The following SVIL variants were observed in gnomAD, a reference collection of about 807,000 sequenced individuals.
The protein encoded by SVIL is archvillin.
In SVIL, 101 loss-of-function variants were observed where a neutral mutation model predicts 240.4. The ratio of observed to expected loss-of-function variants is 0.42; its 90% CI spans 0.36 to 0.50. SVIL has a LOEUF of 0.50. Ranked by LOEUF, SVIL falls within the 20% of genes least tolerant of loss-of-function variation. SVIL has a pLI of 0.01. For missense variants in SVIL, 2,512 were observed against 2,818.7 expected (o/e 0.89, Z 2.46); for synonymous variants, 999 against 1,100.0 (o/e 0.91, Z 1.82).
Position 29,551,091 on chromosome 10 carries a change from T to C in SVIL, c.333A>G (p.Glu111=). The C allele has an allele frequency of 6.2e-7, 1 of 1,614,208 alleles. No individual in the cohort carries two copies. The highest frequency in any genetic ancestry group is 8.5e-7 in the Non-Finnish European group (1 of 1,180,040). The part of the protein sequence containing the change: ...KAERIARYKA[E]RRRQLAEKYG... Reference sequence around the variant, plus strand: ...ACTTCTCTGCCAGCTGTCGCCTTCTTTCTGCTTTGTACCTTGCAATTCTTT... The same window carrying C: ...ACTTCTCTGCCAGCTGTCGCCTTCTCTCTGCTTTGTACCTTGCAATTCTTT... The change falls in exon 6 of 38, where the codon GAA becomes GAG. Residue 111 remains glutamate, a synonymous_variant. Coordinates refer to ENST00000355867, the MANE Select transcript of SVIL (RefSeq NM_021738.3).
rs1950696563 is a variant in SVIL, at chr10:29,523,509, C to T, written c.3105G>A (p.Leu1035=). 6.2e-7 allele frequency: 1 copy of T among 1,613,946 alleles called. No homozygotes were observed. The highest frequency in any genetic ancestry group is 1.6e-4 in the Middle Eastern group (1 of 6,062). The change falls in exon 15 of 38, where the codon CTG becomes CTA. Residue 1035 remains leucine, a synonymous_variant. Transcript: ENST00000355867. ...AQGNLDLRDR[L]PFEEKVEVEN... is the part of the protein sequence containing the mutation. ...CCACCTCCACCTTCTCTTCAAAGGG[C>T]AGCCTGTCCCTCAAGTCCAAGTTTC...
chr10:29,700,563 C>T (rs1013937905), intron 1 of SVIL, among the ~76,000 whole-genome samples: 13 of 151,252 alleles, frequency 8.6e-5, no homozygotes, highest in African/African-American at 1.9e-4. Flanking sequence ...CTCCGCCTCC[C>T]GGGTTCACAC....
In SVIL at chr10:29,481,857, G is replaced by A. The variant is rs10763721; in HGVS notation, c.4956-129C>T. The A allele has an allele frequency of 0.53, 418,347 of 790,674 alleles. 115,800 individuals are homozygous for A. The highest frequency in any genetic ancestry group is 0.78 in the African/African-American group (43,942 of 56,554). The allele number at this position is 790,674 out of a possible 1,614,324, so 49.0% of individuals were successfully genotyped here. A position where few individuals can be genotyped will look rare whatever the true frequency, so the allele number is the denominator to read the frequency against. ...CTCAAAGTACGTGAGTACATATAAA[G>A]TAAATGGTTTATTTTCCTGCATTTT... On this transcript the variant is annotated intron_variant, in intron 27 of 37. Coordinates refer to ENST00000355867, the MANE Select transcript of SVIL (RefSeq NM_021738.3).
chr10:29,712,361 T>C (rs924007126), intron 1 of SVIL, among the ~76,000 whole-genome samples: 1 of 152,172 alleles, frequency 6.6e-6, no homozygotes, highest in East Asian at 1.9e-4. Context: ...GCTCTATTAG[T>C]TCCCAGGAGA....
chr10:29,461,982 T>A (rs1564445367), intron 36 of SVIL, among the ~76,000 whole-genome samples: 2 of 152,232 alleles, frequency 1.3e-5, no homozygotes, highest in Admixed American at 1.3e-4. Flanking sequence ...GCAAACAGAA[T>A]GAAGAGTTCG....
chr10:29,731,091 G>A (rs903019269), intron 1 of SVIL, among the ~76,000 whole-genome samples: 2 of 152,128 alleles, frequency 1.3e-5, no homozygotes, highest in Non-Finnish European at 2.9e-5. Context: ...ACATCAACTT[G>A]CTACTCTGGC....
At chr10:29,675,078 AT>A (rs905411768) in intron 2 of SVIL, among the ~76,000 whole-genome samples, 5 of 152,200 alleles carry the variant, frequency 3.3e-5, no homozygotes, top group South Asian at 2.1e-4. Flanking sequence ...GGATGTGGAC[AT>A]TTTTCGAAGA....
At position 29,474,659 on chromosome 10, in the gene SVIL, G is replaced by A. The variant is rs17834559; in HGVS notation, c.5378-670C>T. 4.1e-3 allele frequency among the ~76,000 whole-genome samples: 629 copies of A among 151,982 alleles called. 25 individuals are homozygous for A. The East Asian group carries it at 0.076, about 18-fold the overall frequency. The stretch of plus-strand genomic sequence containing the variant: ...TAAATAAATAAAGTATTTGGTGACC[G>A]CCAGAGCAGGACTAAGGGCTCACAC... On this transcript the variant is annotated intron_variant, in intron 29 of 37. Coordinates refer to ENST00000355867, the MANE Select transcript of SVIL (RefSeq NM_021738.3).
At chr10:29,561,138 A>T (rs1040002061) in intron 3 of SVIL, among the ~76,000 whole-genome samples, 1 of 152,140 alleles carries the variant, frequency 6.6e-6, no homozygotes, top group Non-Finnish European at 1.5e-5. Context: ...TGGCACTTTT[A>T]AAGCATGTTT....
intron 28 of SVIL, among the ~76,000 whole-genome samples, 178 bp downstream of exon 28, chr10:29,481,406 C>T (rs772501527): frequency 6.6e-6 from 1 of 151,950 alleles, no homozygotes; most frequent in Non-Finnish European, 1.5e-5. Flanking sequence ...TTTTCCAATA[C>T]TGTATTGCAT....
intron 6 of SVIL, among the ~76,000 whole-genome samples, chr10:29,542,382 C>T (rs1409057893): frequency 6.6e-6 from 1 of 152,212 alleles, no homozygotes; most frequent in Non-Finnish European, 1.5e-5. Context: ...GCTATCGCTG[C>T]AATCATCCTT....
At chr10:29,685,888 A>T (rs185496610) in intron 2 of SVIL, among the ~76,000 whole-genome samples, 2 of 152,194 alleles carry the variant, frequency 1.3e-5, no homozygotes, top group East Asian at 3.9e-4. Flanking sequence ...TTAGAATTTA[A>T]TCTTTGGTTT....
chr10:29,478,060 A>AT (rs1180382109), intron 29 of SVIL, among the ~76,000 whole-genome samples: 1 of 152,020 alleles, frequency 6.6e-6, no homozygotes, highest in African/African-American at 2.4e-5. Context: ...CCCTTTTTGC[A>AT]TTTTAGGAAC....
At chr10:29,462,142 G>T in intron 36 of SVIL, 135 bp downstream of exon 36, 1 of 1,162,962 alleles carries the variant, frequency 8.6e-7, no homozygotes, top group Non-Finnish European at 1.2e-6. Flanking sequence ...TTCTATGTAG[G>T]TTTGTTAAGA....
chr10:29,480,342 C>T (rs1946689713), intron 29 of SVIL, among the ~76,000 whole-genome samples, 195 bp downstream of exon 29: 1 of 152,112 alleles, frequency 6.6e-6, no homozygotes. Flanking sequence ...CTCGGCAATG[C>T]TAGGTTGTTA....
chr10:29,647,624 G>GGGGTGTGTGTGTGTGT (rs148132418), intron 3 of SVIL, among the ~76,000 whole-genome samples: 1 of 151,566 alleles, frequency 6.6e-6, no homozygotes, highest in Non-Finnish European at 1.5e-5. Flanking sequence ...TGCAAATATA[G>GGGGTGTGTGTGTGTGT]GTGTGTGTGT....
chr10:29,706,662 T>A (rs1564345026), intron 1 of SVIL, among the ~76,000 whole-genome samples: 1 of 152,164 alleles, frequency 6.6e-6, no homozygotes, highest in Non-Finnish European at 1.5e-5. Context: ...TTTAATTAGA[T>A]TGGTTTCTGT....
At chr10:29,526,305 C>CTTTTTTTTTTTTTTTTTTTTTTCTTTT (rs36004446) in intron 13 of SVIL, among the ~76,000 whole-genome samples, 1 of 115,028 alleles carries the variant, frequency 8.7e-6, no homozygotes, top group African/African-American at 3.4e-5. Flanking sequence ...TTTTCTCTTT[C>CTTTTTTTTTTTTTTTTTTTTTTCTTTT]TTTTTTTTTT....
intron 2 of SVIL, among the ~76,000 whole-genome samples, chr10:29,666,362 T>C (rs1487436016): frequency 1.3e-5 from 2 of 152,198 alleles, no homozygotes; most frequent in Non-Finnish European, 2.9e-5. Context: ...TTAATAACCA[T>C]AGAGATTTGC....
Sources: allele counts gnomAD v4.1 joint callset (sites outside exome capture counted in the v4.1 genomes callset), GRCh38; gene constraint gnomAD v4.1.1; transcripts MANE v1.5; gene names NCBI Gene and HGNC (gene_info 2026-07-23, HGNC 2026-07-21).